The following LPIN2 variants were observed in gnomAD, a reference collection of about 807,000 sequenced individuals.
LPIN2 encodes the protein phosphatidate phosphatase LPIN2.
LPIN2 carries 55 observed loss-of-function variants against 111.4 expected under a neutral mutation model. That is an observed-to-expected ratio of 0.49 (90% CI 0.40 to 0.62). The LOEUF is 0.62. Ranked by LOEUF, LPIN2 falls within the 20% of genes least tolerant of loss-of-function variation. LPIN2 has a pLI of 0.00. For synonymous variants in LPIN2, 425 were observed against 414.0 expected (o/e 1.03, Z -0.32); for missense variants, 992 against 1,112.1 (o/e 0.89, Z 1.54).
intron 4 of LPIN2, among the ~76,000 whole-genome samples, chr18:2,944,541 G>T (rs968064755): frequency 6.6e-6 from 1 of 151,558 alleles, no homozygotes. Context: ...TAGTAGAGAC[G>T]GGGTTTCACC....
Position 2,939,531 on chromosome 18 carries a change from T to G in LPIN2, c.771A>C (p.Arg257Ser). ...ACGTCCACTCCATGTGAGACTCTGA[T>G]CTGAGCAGGCTCTCCGCAGGTTTCA... ...LEVKPAESLLRSESHMEWTWG... is the reference protein window; with the variant it reads ...LEVKPAESLLSSESHMEWTWG... The change falls in exon 6 of 20, where the codon AGA becomes AGC. Residue 257 changes from arginine to serine, a missense_variant. Arg to Ser is a moderately radical substitution (Grantham distance 110). Coordinates refer to ENST00000677752, the MANE Select transcript of LPIN2 (RefSeq NM_001375808.2). 6.2e-7 allele frequency: 1 copy of G among 1,614,102 alleles called. No individual in the cohort carries two copies. The highest frequency in any genetic ancestry group is 1.1e-5 in the South Asian group (1 of 91,090).
chr18:3,006,563 C>T (rs573921466), intron 1 of LPIN2, among the ~76,000 whole-genome samples: 8 of 152,022 alleles, frequency 5.3e-5, no homozygotes, highest in African/African-American at 1.7e-4. Context: ...ATGGGCCGGG[C>T]GCAGCGGCTC....
In LPIN2 at chr18:2,931,400, G is replaced by A. The variant is rs138079183; in HGVS notation, c.1312C>T (p.Leu438Phe). ...GACTGTGGGGACTGGGAGCCAGAGAGTGTGTCAGACTCGGGCCACTGCCTG... is the reference window on the plus strand; with the variant it reads ...GACTGTGGGGACTGGGAGCCAGAGAATGTGTCAGACTCGGGCCACTGCCTG... ...GSRQWPESDT[L>F]SGSQSPQSVG... is the part of the protein sequence containing the mutation. The change falls in exon 9 of 20, where the codon CTC becomes TTC. Residue 438 changes from leucine (L) to phenylalanine (F), a missense_variant. Leu to Phe is a conservative substitution (Grantham distance 22, BLOSUM62 0). This residue lies in a region of LPIN2 where 709 missense variants were observed against 753.2 expected (regional missense o/e 0.94). Transcript: ENST00000677752. 36 of 1,608,906 alleles carry A rather than the reference G, an allele frequency of 2.2e-5. No homozygotes were observed. Among genetic ancestry groups the A allele is most frequent in the Non-Finnish European group, 2.9e-5 (34 of 1,177,582 alleles).
At position 2,920,147 on chromosome 18, in the gene LPIN2, G is replaced by A. The variant is rs1302867891; in HGVS notation, c.*146C>T. Reference sequence around the variant, plus strand: ...TGCCGAGCCTGAGCAGCTGGCCTGGGAAGGCAAAGGAGGATGGCGGGACCA... The same window carrying A: ...TGCCGAGCCTGAGCAGCTGGCCTGGAAAGGCAAAGGAGGATGGCGGGACCA... On this transcript the variant is annotated 3_prime_UTR_variant, in exon 20 of 20. Transcript: ENST00000677752. 9.2e-7 allele frequency: 1 copy of A among 1,091,814 alleles called. No individual in the cohort carries two copies. Among genetic ancestry groups the A allele is most frequent in the Non-Finnish European group, 1.4e-6 (1 of 738,244 alleles). The allele number at this position is 1,091,814 out of a possible 1,614,324, so 67.6% of individuals were successfully genotyped here.
intron 1 of LPIN2, among the ~76,000 whole-genome samples, chr18:2,980,963 T>C (rs1411473667): frequency 6.6e-6 from 1 of 152,254 alleles, no homozygotes; most frequent in East Asian, 1.9e-4. Context: ...TAAAATAATT[T>C]AGCTTTTTCC....
At chr18:2,992,927 A>C (rs1361459975) in intron 1 of LPIN2, among the ~76,000 whole-genome samples, 3 of 149,996 alleles carry the variant, frequency 2.0e-5, no homozygotes, top group Non-Finnish European at 4.4e-5. Flanking sequence ...CGGAGCTTGC[A>C]GTGAGCTGAG....
chr18:2,951,357 C>T lies in LPIN2; in HGVS notation c.289-1G>A. 2 of 1,613,600 alleles carry T rather than the reference C, an allele frequency of 1.2e-6. No homozygotes were observed. The highest frequency in any genetic ancestry group is 1.7e-6 in the Non-Finnish European group (2 of 1,179,788). ...TGGCAAGGTAAGCAGGAAGCTTTTCCTTGAGGAGAATGGAGAAAGAAAAGT... is the reference window on the plus strand; with the variant it reads ...TGGCAAGGTAAGCAGGAAGCTTTTCTTTGAGGAGAATGGAGAAAGAAAAGT... On this transcript the variant is annotated splice_acceptor_variant, in intron 3 of 19. Coordinates refer to ENST00000677752, the MANE Select transcript of LPIN2 (RefSeq NM_001375808.2). LOFTEE classifies it high-confidence loss of function.
In LPIN2 at chr18:2,920,874, T is replaced by C. The variant is rs759880645; in HGVS notation, c.2450A>G (p.Tyr817Cys). 1.4e-5 allele frequency: 23 copies of C among 1,610,392 alleles called. No individual in the cohort carries two copies. In the East Asian group the frequency reaches 3.1e-4, roughly 22 times the overall value. ...TGGAACTCCAACTTGTGTGTAGGCA[T>C]AGACATCCTGCAGAAGAAAATAGCA... is the stretch of plus-strand genomic sequence containing the variant. ...AAFGNRPNDV[Y>C]AYTQVGVPDC... Residue 817 changes from tyrosine (Y) to cysteine (C), a missense_variant, in exon 19 of 20, where the codon TAT becomes TGT. Transcript: ENST00000677752.
chr18:2,979,538 A>T (rs1221368422), intron 1 of LPIN2, among the ~76,000 whole-genome samples: 1 of 152,134 alleles, frequency 6.6e-6, no homozygotes, highest in African/African-American at 2.4e-5. Context: ...AAATGAAGAC[A>T]ATTTTGTTTC....
chr18:2,918,100 G>C lies in LPIN2; in HGVS notation c.*2193C>G, dbSNP rs1207466732. The C allele has an allele frequency of 2.0e-5, 3 of 151,592 alleles. No individual in the cohort carries two copies. 9.4% of individuals were successfully genotyped at this position (151,592 alleles called of 1,614,324 possible). On this transcript the variant is annotated 3_prime_UTR_variant, in exon 20 of 20. Coordinates refer to ENST00000677752, the MANE Select transcript of LPIN2 (RefSeq NM_001375808.2). ...AGGGACTCCTTTAAACAAGGAAAAAGACTCACATTAATTAGCCTATGTACC... is the reference window on the plus strand; with the variant it reads ...AGGGACTCCTTTAAACAAGGAAAAACACTCACATTAATTAGCCTATGTACC...
intron 1 of LPIN2, among the ~76,000 whole-genome samples, chr18:2,978,547 A>G (rs2078056244): frequency 6.6e-6 from 1 of 152,234 alleles, no homozygotes; most frequent in Non-Finnish European, 1.5e-5. Context: ...AGCAAAGACT[A>G]AAGAACTGTC....
At chr18:2,995,198 C>T (rs1184651190) in intron 1 of LPIN2, among the ~76,000 whole-genome samples, 2 of 23,716 alleles carry the variant, frequency 8.4e-5, no homozygotes, top group East Asian at 0.013. Context: ...AGTTCCAAGA[C>T]CTATGCCACA....
At chr18:2,992,537 A>C (rs1233882270) in intron 1 of LPIN2, among the ~76,000 whole-genome samples, 1 of 152,162 alleles carries the variant, frequency 6.6e-6, no homozygotes, top group African/African-American at 2.4e-5. Flanking sequence ...AAAATGGTTG[A>C]ATCTTACTAC....
At chr18:2,978,791 G>T (rs141462769) in intron 1 of LPIN2, among the ~76,000 whole-genome samples, 1,687 of 152,338 alleles carry the variant, frequency 0.011, 10 homozygotes, top group Non-Finnish European at 0.016. Context: ...TGAGTCAGAT[G>T]TGGGCATCAT....
At position 2,918,216 on chromosome 18, in the gene LPIN2, G is replaced by A. The variant is rs1238175005; in HGVS notation, c.*2077C>T. On this transcript the variant is annotated 3_prime_UTR_variant, in exon 20 of 20. Coordinates refer to ENST00000677752, the MANE Select transcript of LPIN2 (RefSeq NM_001375808.2). ...CCTCAACACAGGGCCAGGAGAGCCG[G>A]GTCCTAGACTGAACCCTCTAAGAAG... 1 of 152,158 alleles carries A rather than the reference G, an allele frequency of 6.6e-6. No individual in the cohort carries two copies. The highest frequency in any genetic ancestry group is 1.5e-5 in the Non-Finnish European group (1 of 68,022). The allele number at this position is 152,158 out of a possible 1,614,324, so 9.4% of individuals were successfully genotyped here.
rs528675903 is a variant in LPIN2 at position 2,934,386 on chromosome 18, T to C, written c.1233A>G (p.Leu411=). ...DDIYLDDLKG[L]EPEVAALYFP... ...AATAAAGAGCTGCAACTTCAGGTTC[T>C]AGACCCTTTAAGTCATCAAGGTAAA... The change falls in exon 8 of 20, where the codon CTA becomes CTG. Residue 411 remains leucine, a synonymous_variant. Coordinates refer to ENST00000677752, the MANE Select transcript of LPIN2 (RefSeq NM_001375808.2). The C allele has an allele frequency of 1.2e-6, 2 of 1,613,878 alleles. No homozygotes were observed. Among genetic ancestry groups the C allele is most frequent in the Non-Finnish European group, 1.7e-6 (2 of 1,179,846 alleles).
At chr18:2,946,894 G>A (rs888086552) in intron 4 of LPIN2, 2 of 305,548 alleles carry the variant, frequency 6.5e-6, no homozygotes, top group South Asian at 2.9e-5. Flanking sequence ...AGCATTTCCC[G>A]TAAGACATAT....
intron 2 of LPIN2, among the ~76,000 whole-genome samples, chr18:2,956,509 G>A (rs1017547234): frequency 6.6e-6 from 1 of 152,206 alleles, no homozygotes; most frequent in African/African-American, 2.4e-5. Flanking sequence ...CAGAGCTGAG[G>A]CAGGGAAAGT....
At chr18:2,923,656 G>T (rs574901798) in intron 16 of LPIN2, 119 bp downstream of exon 16, 2 of 882,584 alleles carry the variant, frequency 2.3e-6, no homozygotes, top group Non-Finnish European at 3.8e-6. Flanking sequence ...GAGGAAGAGC[G>T]GGAATGCTTC....
Sources: allele counts gnomAD v4.1 joint callset (sites outside exome capture counted in the v4.1 genomes callset), GRCh38; gene constraint gnomAD v4.1.1; regional missense constraint gnomAD v4.1.1; transcripts MANE v1.5; gene names NCBI Gene and HGNC (gene_info 2026-07-23, HGNC 2026-07-21).